The following GUCY1A2 variants were observed in gnomAD, a reference collection of about 807,000 sequenced individuals.
GUCY1A2 encodes the protein guanylate cyclase 1 soluble subunit alpha 2, also known as guanylate cyclase soluble subunit alpha-2.
A neutral mutation model predicts 63.5 loss-of-function variants in GUCY1A2; 27 were observed. The observed-to-expected ratio is 0.43, with a 90% CI of 0.31 to 0.59. The LOEUF (loss-of-function observed/expected upper bound fraction) is 0.59, where lower values mean the gene tolerates loss of function less well. GUCY1A2 is among the 20% of genes least tolerant of loss of function. GUCY1A2 has a pLI of 0.11. For missense variants in GUCY1A2, 768 were observed against 913.3 expected, an observed-to-expected ratio of 0.84 and a Z score of 2.05; for synonymous variants, 364 against 343.5, an observed-to-expected ratio of 1.06 and a Z score of -0.66.
At chr11:106,965,483 A>G (rs1163197898) in intron 3 of GUCY1A2, among the ~76,000 whole-genome samples, 1 of 152,226 alleles carries the variant, frequency 6.6e-6, no homozygotes, top group Non-Finnish European at 1.5e-5. Context: ...GGAGAAAAAG[A>G]AAACAACAGC....
At position 106,978,714 on chromosome 11, in the gene GUCY1A2, T is replaced by C. The variant is rs749115707; in HGVS notation, c.392A>G (p.His131Arg). ...IGYRDAEKNFHNISNRCSYAD... is the reference protein window; with the variant it reads ...IGYRDAEKNFRNISNRCSYAD... Reference sequence around the variant, plus strand: ...ATAGGAGCATCTGTTAGAGATATTGTGGAAATTCTTTTCTGCATCCCTGTA... The same window carrying C: ...ATAGGAGCATCTGTTAGAGATATTGCGGAAATTCTTTTCTGCATCCCTGTA... The change falls in exon 3 of 8, where the codon CAC becomes CGC. Residue 131 changes from histidine (H) to arginine (R), a missense_variant. Around this residue, in one of 3 missense-constraint regions of GUCY1A2, gnomAD observed 496 missense variants for 486.9 expected, o/e 1.02. Coordinates refer to ENST00000526355, the MANE Select transcript of GUCY1A2 (RefSeq NM_000855.3). 2.3e-5 allele frequency: 36 copies of C among 1,593,370 alleles called. No individual in the cohort carries two copies. Among genetic ancestry groups the C allele is most frequent in the Middle Eastern group, 1.7e-4 (1 of 5,970 alleles).
chr11:106,845,842 A>G (rs1859262739), intron 4 of GUCY1A2, among the ~76,000 whole-genome samples: 1 of 151,706 alleles, frequency 6.6e-6, no homozygotes, highest in South Asian at 2.1e-4. Context: ...CATATGGTCT[A>G]AAGTGTCACC....
intron 4 of GUCY1A2, among the ~76,000 whole-genome samples, chr11:106,920,563 A>G (rs1860429235): frequency 6.6e-6 from 1 of 152,164 alleles, no homozygotes; most frequent in Admixed American, 6.6e-5. Context: ...GGAAATTTTA[A>G]TCTATTAAAA....
At chr11:106,755,776 C>G (rs1420503261) in intron 6 of GUCY1A2, among the ~76,000 whole-genome samples, 1 of 152,052 alleles carries the variant, frequency 6.6e-6, no homozygotes, top group Non-Finnish European at 1.5e-5. Context: ...GTTATGTGGT[C>G]AATTTTGGAA....
intron 4 of GUCY1A2, among the ~76,000 whole-genome samples, chr11:106,915,772 T>A (rs1860362360): frequency 1.4e-5 from 2 of 145,118 alleles, no homozygotes; most frequent in Admixed American, 6.9e-5. Flanking sequence ...ATTTTAAGAT[T>A]TCACACTATT....
intron 6 of GUCY1A2, among the ~76,000 whole-genome samples, chr11:106,757,707 T>C (rs959188048): frequency 1.3e-5 from 2 of 152,190 alleles, no homozygotes; most frequent in Non-Finnish European, 2.9e-5. Context: ...TATTGCTCCC[T>C]GATCGTTCCT....
chr11:106,903,341 T>A (rs1214077040), intron 4 of GUCY1A2, among the ~76,000 whole-genome samples: 1 of 152,178 alleles, frequency 6.6e-6, no homozygotes, highest in East Asian at 1.9e-4. Flanking sequence ...CTTGATTCAA[T>A]TTACTTTGAC....
At chr11:106,900,615 T>A (rs1298283015) in intron 4 of GUCY1A2, among the ~76,000 whole-genome samples, 1 of 152,266 alleles carries the variant, frequency 6.6e-6, no homozygotes, top group Non-Finnish European at 1.5e-5. Flanking sequence ...GAATAATTTC[T>A]GAAACTATCT....
chr11:106,926,361 C>A (rs961413803), intron 4 of GUCY1A2, among the ~76,000 whole-genome samples: 1 of 151,372 alleles, frequency 6.6e-6, no homozygotes, highest in African/African-American at 2.4e-5. Context: ...TTGCTTGAAC[C>A]TGAGAGGTAT....
chr11:106,972,579 A>T (rs879744797), intron 3 of GUCY1A2, among the ~76,000 whole-genome samples: 8 of 152,122 alleles, frequency 5.3e-5, no homozygotes, highest in Non-Finnish European at 8.8e-5. Flanking sequence ...AAGGACTGCC[A>T]TGTTCTTCCA....
intron 3 of GUCY1A2, among the ~76,000 whole-genome samples, chr11:106,942,955 A>T (rs976962418): frequency 3.3e-5 from 5 of 152,146 alleles, no homozygotes; most frequent in African/African-American, 1.2e-4. Flanking sequence ...AAAAAAATGA[A>T]TTTTTTTGAA....
intron 6 of GUCY1A2, among the ~76,000 whole-genome samples, chr11:106,746,906 T>C (rs1025309703): frequency 6.6e-5 from 10 of 152,130 alleles, no homozygotes; most frequent in Non-Finnish European, 2.9e-5. Context: ...TGATAAAAAA[T>C]GGCACGCTGG....
intron 6 of GUCY1A2, among the ~76,000 whole-genome samples, chr11:106,759,576 A>G (rs1185244517): frequency 1.3e-5 from 2 of 152,248 alleles, no homozygotes; most frequent in East Asian, 3.9e-4. Flanking sequence ...ATTGAAAATT[A>G]TTAATATGAG....
In GUCY1A2 at chr11:106,936,801, TAGA is replaced by T. The variant is rs1162691012; in HGVS notation, c.1206+2656_1206+2658del. 7.5e-6 allele frequency: 5 copies of T among 662,432 alleles called. No individual in the cohort carries two copies. The East Asian group carries it at 1.1e-4, about 15-fold the overall frequency. The allele number at this position is 662,432 out of a possible 1,614,324, so 41.0% of individuals were successfully genotyped here. On this transcript the variant is annotated intron_variant, in intron 4 of 7. Coordinates refer to ENST00000526355, the MANE Select transcript of GUCY1A2 (RefSeq NM_000855.3). The stretch of plus-strand genomic sequence containing the variant: ...GTTAAATTATGAGAGCCCTCAATGT[TAGA>T]AGAAGGAATAAATATAAATTATTTT...
At chr11:106,771,737 G>A (rs1864260130) in intron 6 of GUCY1A2, among the ~76,000 whole-genome samples, 1 of 150,900 alleles carries the variant, frequency 6.6e-6, no homozygotes, top group African/African-American at 2.4e-5. Context: ...GGACAACAGA[G>A]CAAGACCCTG....
chr11:106,948,973 C>T (rs1860867521), intron 3 of GUCY1A2, among the ~76,000 whole-genome samples: 2 of 152,046 alleles, frequency 1.3e-5, no homozygotes, highest in South Asian at 4.1e-4. Context: ...TTAACCAAAA[C>T]AAGCAAACAT....
At chr11:106,771,307 C>T (rs759391367) in intron 6 of GUCY1A2, among the ~76,000 whole-genome samples, 109 of 152,098 alleles carry the variant, frequency 7.2e-4, no homozygotes, top group Non-Finnish European at 1.3e-3. Flanking sequence ...CCAGTCAGCA[C>T]TAAAAACTAT....
chr11:106,985,799 G>C (rs189006468), intron 2 of GUCY1A2, among the ~76,000 whole-genome samples: 1 of 151,874 alleles, frequency 6.6e-6, no homozygotes, highest in African/African-American at 2.4e-5. Flanking sequence ...ATTCAACATC[G>C]GAATAAAAGA....
chr11:106,941,617 T>G (rs756670942), intron 3 of GUCY1A2, among the ~76,000 whole-genome samples: 10 of 152,234 alleles, frequency 6.6e-5, no homozygotes, highest in Non-Finnish European at 1.0e-4. Flanking sequence ...TGCAGAGCAA[T>G]CTAGGCTGTC....
Sources: allele counts gnomAD v4.1 joint callset (sites outside exome capture counted in the v4.1 genomes callset), GRCh38; gene constraint gnomAD v4.1.1; regional missense constraint gnomAD v4.1.1; transcripts MANE v1.5; gene names NCBI Gene and HGNC (gene_info 2026-07-23, HGNC 2026-07-21).